Variants in CDH13 observed in about 807,000 individuals in gnomAD.
CDH13 encodes the protein cadherin-13.
CDH13 carries 24 observed loss-of-function variants against 63.8 expected under a neutral mutation model. The observed-to-expected ratio is 0.38, with a 90% CI of 0.27 to 0.53. The LOEUF is 0.53. Among genes scored for constraint, CDH13 ranks in the 20% least tolerant of loss-of-function variants. CDH13 has a pLI of 0.85. For missense variants in CDH13, 1,049 were observed against 903.1 expected, an observed-to-expected ratio of 1.16 and a Z score of -2.07; for synonymous variants, 503 against 355.3, an observed-to-expected ratio of 1.42 and a Z score of -4.67.
chr16:83,570,686 A>C (rs1904498099), intron 7 of CDH13, among the ~76,000 whole-genome samples: 1 of 146,562 alleles, frequency 6.8e-6, no homozygotes, highest in Non-Finnish European at 1.5e-5. Context: ...TATATAAAAA[A>C]AAATTTAAAT....
chr16:82,967,828 C>G (rs1205271228), intron 2 of CDH13, among the ~76,000 whole-genome samples: 1 of 152,200 alleles, frequency 6.6e-6, no homozygotes, highest in Admixed American at 6.5e-5. Context: ...GTGGTGTCTG[C>G]CAGGTTTCTC....
At chr16:82,901,362 G>GTGTA (rs1567644941) in intron 2 of CDH13, among the ~76,000 whole-genome samples, 1 of 150,174 alleles carries the variant, frequency 6.7e-6, no homozygotes, top group African/African-American at 2.5e-5. Context: ...GTGTGTGTGT[G>GTGTA]TGTGTCTGAT....
At chr16:83,578,328 G>T in intron 7 of CDH13, among the ~76,000 whole-genome samples, 1 of 152,310 alleles carries the variant, frequency 6.6e-6, no homozygotes, top group East Asian at 1.9e-4. Flanking sequence ...GGGACTTAAG[G>T]TTCCAGGGCA....
intron 5 of CDH13, among the ~76,000 whole-genome samples, chr16:83,326,208 C>T (rs1462546851): frequency 6.6e-6 from 1 of 152,048 alleles, no homozygotes. Flanking sequence ...AATTTTTCGC[C>T]GGACAACAAC....
At chr16:83,435,880 G>A (rs1358298108) in intron 6 of CDH13, among the ~76,000 whole-genome samples, 1 of 152,140 alleles carries the variant, frequency 6.6e-6, no homozygotes, top group African/African-American at 2.4e-5. Flanking sequence ...GAATTGTGTG[G>A]CTAACACCAG....
At chr16:83,576,382 G>A (rs4280224) in intron 7 of CDH13, among the ~76,000 whole-genome samples, 99,494 of 152,096 alleles carry the variant, frequency 0.65, 32,609 homozygotes, top group East Asian at 0.79. Flanking sequence ...TTGTATGGGT[G>A]GAGCACATTT....
chr16:82,926,137 A>T (rs1394273975), intron 2 of CDH13: 3 of 152,210 alleles, frequency 2.0e-5, no homozygotes, highest in Non-Finnish European at 4.4e-5. Context: ...AACTTTTTCT[A>T]TAAAGGTCCA....
At chr16:82,899,461 A>G (rs886344999) in intron 2 of CDH13, among the ~76,000 whole-genome samples, 2 of 152,208 alleles carry the variant, frequency 1.3e-5, no homozygotes, top group Non-Finnish European at 2.9e-5. Flanking sequence ...CAGAATCCTT[A>G]TGTTATCTAA....
chr16:82,971,755 A>C lies in CDH13; in HGVS notation c.158-60255A>C, dbSNP rs1397469391. 2.0e-5 allele frequency among the ~76,000 whole-genome samples: 3 copies of C among 152,216 alleles called. No homozygotes were observed. In the East Asian group the frequency reaches 5.8e-4, roughly 29 times the overall value. Reference sequence around the variant, plus strand: ...GTAAGAATTAAATGTAAAAAAACACAAACATTTAAGTTCATTGGATTGTTT... The same window carrying C: ...GTAAGAATTAAATGTAAAAAAACACCAACATTTAAGTTCATTGGATTGTTT... On this transcript the variant is annotated intron_variant, in intron 2 of 13. Transcript: ENST00000567109.
chr16:83,362,140 A>T (rs950264332), intron 6 of CDH13, among the ~76,000 whole-genome samples: 3 of 152,166 alleles, frequency 2.0e-5, no homozygotes, highest in Non-Finnish European at 4.4e-5. Context: ...TGTCTCCAAG[A>T]TGCTGTTTAA....
intron 1 of CDH13, among the ~76,000 whole-genome samples, chr16:82,702,977 A>G (rs2031173949): frequency 6.6e-6 from 1 of 152,036 alleles, no homozygotes; most frequent in Non-Finnish European, 1.5e-5. Flanking sequence ...GTGAGGGTGT[A>G]TCCTCTCCAC....
intron 1 of CDH13, among the ~76,000 whole-genome samples, chr16:82,656,476 C>G (rs1433608357): frequency 6.6e-6 from 1 of 152,102 alleles, no homozygotes; most frequent in Non-Finnish European, 1.5e-5. Flanking sequence ...AGAAGTTTCC[C>G]AAGTACCTCC....
At chr16:82,970,588 A>G (rs889536989) in intron 2 of CDH13, among the ~76,000 whole-genome samples, 1 of 147,870 alleles carries the variant, frequency 6.8e-6, no homozygotes, top group African/African-American at 2.5e-5. Flanking sequence ...TTTAGTAGAG[A>G]CGGGGTTTCA....
chr16:83,471,627 C>G (rs1039845623), intron 6 of CDH13, among the ~76,000 whole-genome samples: 1 of 152,170 alleles, frequency 6.6e-6, no homozygotes, highest in Non-Finnish European at 1.5e-5. Flanking sequence ...ACTTTTGCAG[C>G]TCAGAGAGGC....
At chr16:83,500,045 C>T (rs371302381) in intron 7 of CDH13, among the ~76,000 whole-genome samples, 3 of 151,838 alleles carry the variant, frequency 2.0e-5, no homozygotes, top group Admixed American at 6.6e-5. Flanking sequence ...TCAGGCGATC[C>T]GCCCACCTCG....
chr16:82,976,257 A>G (rs1396374735), intron 2 of CDH13, among the ~76,000 whole-genome samples: 1 of 152,134 alleles, frequency 6.6e-6, no homozygotes, highest in Non-Finnish European at 1.5e-5. Context: ...AAGTTAACAA[A>G]CACCAGCTCC....
At chr16:82,707,878 C>T (rs540943823) in intron 1 of CDH13, among the ~76,000 whole-genome samples, 4 of 152,240 alleles carry the variant, frequency 2.6e-5, no homozygotes, top group African/African-American at 4.8e-5. Flanking sequence ...GCATATGTGT[C>T]GGTTAGGGAA....
At chr16:83,749,540 A>C (rs1912904518) in intron 11 of CDH13, among the ~76,000 whole-genome samples, 2 of 152,242 alleles carry the variant, frequency 1.3e-5, no homozygotes, top group South Asian at 4.1e-4. Flanking sequence ...ATGTATGTGG[A>C]AAAGTCACAT....
At chr16:83,113,806 C>T (rs2035176258) in intron 3 of CDH13, among the ~76,000 whole-genome samples, 2 of 152,088 alleles carry the variant, frequency 1.3e-5, no homozygotes, top group Admixed American at 6.6e-5. Context: ...TTGGAGGGTG[C>T]GTGCAGCTGA....
Sources: allele counts gnomAD v4.1 joint callset (sites outside exome capture counted in the v4.1 genomes callset), GRCh38; gene constraint gnomAD v4.1.1; transcripts MANE v1.5; gene names NCBI Gene and HGNC (gene_info 2026-07-23, HGNC 2026-07-21).